Variants in RAB3GAP1 observed in about 807,000 individuals in gnomAD.
RAB3GAP1 encodes rab3 GTPase-activating protein catalytic subunit.
Under a neutral mutation model 130.7 loss-of-function variants are expected in RAB3GAP1, and 86 were observed. That is an observed-to-expected ratio of 0.66 (90% CI 0.55 to 0.79). RAB3GAP1 has a LOEUF of 0.79. Ranked by LOEUF, RAB3GAP1 falls within the 30% of genes least tolerant of loss-of-function variation. The probability of loss-of-function intolerance (pLI) is 0.00; values close to 1 mark genes in which losing one functional copy is unlikely to be tolerated. For missense variants in RAB3GAP1, 1,029 were observed against 1,169.4 expected (o/e 0.88, Z 1.75); for synonymous variants, 367 against 401.7 (o/e 0.91, Z 1.03).
intron 3 of RAB3GAP1, among the ~76,000 whole-genome samples, chr2:135,084,693 G>C: frequency 6.6e-6 from 1 of 151,852 alleles, no homozygotes; most frequent in East Asian, 1.9e-4. Flanking sequence ...GAAGTTACAG[G>C]GGTTATTATT....
chr2:135,115,321 A>C lies in RAB3GAP1; in HGVS notation c.588A>C (p.Arg196Ser). ...CTGATTTCGAAATGGTTCATCTTAG[A>C]AAAGTGCCAAATCAGTACACTCACT... ...VRTDFEMVHL[R>S]KVPNQYTHLS... The change falls in exon 7 of 24, where the codon AGA becomes AGC. Residue 196 changes from arginine (R) to serine (S), a missense_variant. Coordinates refer to ENST00000264158, the MANE Select transcript of RAB3GAP1 (RefSeq NM_012233.3). 1.9e-6 allele frequency: 3 copies of C among 1,613,906 alleles called. No homozygotes were observed. Among genetic ancestry groups the C allele is most frequent in the Non-Finnish European group, 2.5e-6 (3 of 1,179,808 alleles).
intron 14 of RAB3GAP1, 111 bp downstream of exon 14, chr2:135,133,095 T>C: frequency 1.4e-6 from 1 of 726,454 alleles, no homozygotes; most frequent in Non-Finnish European, 2.3e-6. Flanking sequence ...AAAAATCACC[T>C]TGGGAATTTT....
intron 11 of RAB3GAP1, among the ~76,000 whole-genome samples, chr2:135,128,946 T>C (rs1691435957): frequency 2.6e-5 from 4 of 151,926 alleles, no homozygotes; most frequent in Admixed American, 2.6e-4. Context: ...AGCCCGGGAG[T>C]TTGAGTCCAG....
At chr2:135,105,790 C>T (rs544072378) in intron 5 of RAB3GAP1, among the ~76,000 whole-genome samples, 3 of 150,512 alleles carry the variant, frequency 2.0e-5, no homozygotes, top group Admixed American at 6.6e-5. Flanking sequence ...AAGTGAGGAG[C>T]GTCTCTGCCT....
chr2:135,074,460 C>T (rs1383577970), intron 3 of RAB3GAP1, among the ~76,000 whole-genome samples: 1 of 152,170 alleles, frequency 6.6e-6, no homozygotes, highest in Non-Finnish European at 1.5e-5. Flanking sequence ...AGTTTGTCTG[C>T]CAGAAGACTG....
Position 135,168,946 on chromosome 2 carries a change from T to C in RAB3GAP1, c.*165T>C, listed in dbSNP as rs1692755388. The C allele has an allele frequency of 1.4e-6, 1 of 701,018 alleles. No homozygotes were observed. The highest frequency in any genetic ancestry group is 2.5e-6 in the Non-Finnish European group (1 of 393,006). The allele number at this position is 701,018 out of a possible 1,614,324, so 43.4% of individuals were successfully genotyped here. ...AGACTTCCCAGCACCAAGCTTGAGC[T>C]GTGTCGTTTCGTGGAGGGGGCAGCG... On this transcript the variant is annotated 3_prime_UTR_variant, in exon 24 of 24. Coordinates refer to ENST00000264158, the MANE Select transcript of RAB3GAP1 (RefSeq NM_012233.3).
At chr2:135,161,775 C>T (rs1692473380) in intron 19 of RAB3GAP1, among the ~76,000 whole-genome samples, 1 of 152,090 alleles carries the variant, frequency 6.6e-6, no homozygotes, top group East Asian at 1.9e-4. Context: ...ATTACATATG[C>T]ATCTACATTT....
At chr2:135,085,829 G>T (rs78585294) in intron 3 of RAB3GAP1, among the ~76,000 whole-genome samples, 1 of 152,130 alleles carries the variant, frequency 6.6e-6, no homozygotes, top group African/African-American at 2.4e-5. Flanking sequence ...CAGAACTCAT[G>T]TATGTAATTG....
At chr2:135,136,309 G>C (rs1204488464) in intron 17 of RAB3GAP1, among the ~76,000 whole-genome samples, 2 of 151,986 alleles carry the variant, frequency 1.3e-5, no homozygotes, top group South Asian at 2.1e-4. Flanking sequence ...CTGGGCAACA[G>C]AGCAAGACTC....
At chr2:135,146,370 C>T (rs1691994735) in intron 17 of RAB3GAP1, among the ~76,000 whole-genome samples, 1 of 151,820 alleles carries the variant, frequency 6.6e-6, no homozygotes, top group African/African-American at 2.4e-5. Context: ...CGCCACTAAG[C>T]CTGACTAATT....
At chr2:135,093,385 T>G (rs1006896677) in intron 4 of RAB3GAP1, among the ~76,000 whole-genome samples, 3 of 152,172 alleles carry the variant, frequency 2.0e-5, no homozygotes, top group Non-Finnish European at 1.5e-5. Context: ...CAAAAAAATA[T>G]TTTAAACATG....
At chr2:135,135,979 A>G (rs749319427) in intron 17 of RAB3GAP1, 47 bp downstream of exon 17, 2 of 1,596,790 alleles carry the variant, frequency 1.3e-6, no homozygotes, top group South Asian at 1.1e-5. Context: ...TGTGGTTTAT[A>G]TAACTTCATC....
intron 3 of RAB3GAP1, among the ~76,000 whole-genome samples, chr2:135,079,914 G>C (rs1031078074): frequency 6.6e-6 from 1 of 152,146 alleles, no homozygotes; most frequent in African/African-American, 2.4e-5. Context: ...CGGATCACGA[G>C]GTCAGGAGAT....
chr2:135,173,053 C>A (rs1236048099), downstream of RAB3GAP1, among the ~76,000 whole-genome samples: 1 of 152,110 alleles, frequency 6.6e-6, no homozygotes, highest in Non-Finnish European at 1.5e-5. Flanking sequence ...TAACTGCAGC[C>A]TCAGGAGGGA....
chr2:135,145,730 A>G (rs1411278201), intron 17 of RAB3GAP1, among the ~76,000 whole-genome samples: 1 of 152,172 alleles, frequency 6.6e-6, no homozygotes, highest in African/African-American at 2.4e-5. Flanking sequence ...AATTTTAGCT[A>G]TTATTCTTCT....
At chr2:135,076,450 A>G (rs148031891) in intron 3 of RAB3GAP1, among the ~76,000 whole-genome samples, 2 of 152,298 alleles carry the variant, frequency 1.3e-5, no homozygotes, top group East Asian at 3.9e-4. Context: ...CACTCATGAG[A>G]TTGAGCATTC....
rs142169127 is a variant in RAB3GAP1, at chr2:135,063,082, T to C, written c.150+4996T>C. 2.9e-3 allele frequency among the ~76,000 whole-genome samples: 449 copies of C among 152,318 alleles called. 4 individuals are homozygous for C. Among genetic ancestry groups the C allele is most frequent in the Non-Finnish European group, 1.8e-3 (123 of 68,008 alleles). On this transcript the variant is annotated intron_variant, in intron 3 of 23. Transcript: ENST00000264158. ...TGCAAGTAGACATCCTTGCCCTCTT[T>C]AAATGTGAAGTGGGGGGAAATGTTC...
At chr2:135,075,744 A>G (rs1362938713) in intron 3 of RAB3GAP1, among the ~76,000 whole-genome samples, 2 of 149,982 alleles carry the variant, frequency 1.3e-5, no homozygotes, top group African/African-American at 4.9e-5. Context: ...CTATCTACTC[A>G]TTTGAGAGTG....
intron 2 of RAB3GAP1, among the ~76,000 whole-genome samples, chr2:135,052,753 C>CT (rs1312747537): frequency 1.3e-5 from 2 of 152,194 alleles, no homozygotes; most frequent in East Asian, 3.9e-4. Context: ...GACCGCTTCC[C>CT]TTAGACTTTG....
Sources: allele counts gnomAD v4.1 joint callset (sites outside exome capture counted in the v4.1 genomes callset), GRCh38; gene constraint gnomAD v4.1.1; transcripts MANE v1.5; gene names NCBI Gene and HGNC (gene_info 2026-07-23, HGNC 2026-07-21).